The following ECT2 variants were observed in gnomAD, a reference collection of about 807,000 sequenced individuals.
The protein encoded by ECT2 is protein ECT2.
Under a neutral mutation model 116.9 loss-of-function variants are expected in ECT2, and 61 were observed. The observed-to-expected ratio is 0.52, with a 90% CI of 0.42 to 0.65. The LOEUF is 0.65. ECT2 is among the 30% of genes least tolerant of loss of function. ECT2 has a pLI of 0.00. For synonymous variants in ECT2, 358 were observed against 346.4 expected (o/e 1.03, Z -0.37); for missense variants, 937 against 1,078.7 (o/e 0.87, Z 1.84).
At chr3:172,808,426 A>C (rs1728156615) in intron 22 of ECT2, among the ~76,000 whole-genome samples, 1 of 152,166 alleles carries the variant, frequency 6.6e-6, no homozygotes, top group South Asian at 2.1e-4. Context: ...AAAGTTGCCA[A>C]TCTATTTTTC....
intron 11 of ECT2, 41 bp downstream of exon 11, chr3:172,763,013 ATTGT>A (rs753883655): frequency 6.9e-6 from 11 of 1,595,478 alleles, no homozygotes; most frequent in Non-Finnish European, 9.4e-6. Flanking sequence ...TGTGAGCTTG[ATTGT>A]TTGAAAATAA....
At chr3:172,807,220 AGTT>A (rs771071622) in intron 21 of ECT2, among the ~76,000 whole-genome samples, 2 of 152,186 alleles carry the variant, frequency 1.3e-5, no homozygotes, top group African/African-American at 2.4e-5. Context: ...CTGTGTAAAC[AGTT>A]GTTATACTAT....
At chr3:172,827,304 G>A in the ECT2 span, among the ~76,000 whole-genome samples, 5 of 152,142 alleles carry the variant, frequency 3.3e-5, no homozygotes, top group Non-Finnish European at 7.4e-5. Flanking sequence ...AAGGAAATTA[G>A]TATATCAAAG....
At chr3:172,794,043 T>G (rs1456216201) in intron 18 of ECT2, among the ~76,000 whole-genome samples, 3 of 152,166 alleles carry the variant, frequency 2.0e-5, no homozygotes, top group African/African-American at 7.2e-5. Context: ...TTCTCCTAGT[T>G]TCTGGCTTGT....
chr3:172,761,499 C>T (rs1718287593), intron 7 of ECT2, 111 bp from the exon 8 acceptor site: 1 of 657,774 alleles, frequency 1.5e-6, no homozygotes, highest in Admixed American at 2.9e-5. Flanking sequence ...TATTTTGTTA[C>T]AAAGCAGATA....
chr3:172,776,191 G>GTTTTTTTTTTTT (rs1294531373), intron 14 of ECT2, among the ~76,000 whole-genome samples: 1 of 106,980 alleles, frequency 9.3e-6, no homozygotes, highest in African/African-American at 4.0e-5. Flanking sequence ...TAGTTTTTCA[G>GTTTTTTTTTTTT]TTTTTTCTTT....
chr3:172,766,176 G>A (rs1001625539), intron 12 of ECT2, among the ~76,000 whole-genome samples: 1 of 152,124 alleles, frequency 6.6e-6, no homozygotes, highest in African/African-American at 2.4e-5. Context: ...TTCAAGGTTG[G>A]CCCAGAAATT....
intron 20 of ECT2, 41 bp from the exon 21 acceptor site, chr3:172,805,690 T>G: frequency 1.9e-6 from 3 of 1,591,624 alleles, no homozygotes; most frequent in Non-Finnish European, 2.6e-6. Context: ...GTCCTTTTTC[T>G]TCATTTTATT....
chr3:172,784,109 C>T (rs1325964447), intron 16 of ECT2, among the ~76,000 whole-genome samples, 200 bp downstream of exon 16: 1 of 151,548 alleles, frequency 6.6e-6, no homozygotes, highest in Non-Finnish European at 1.5e-5. Context: ...CAGGAGGCAG[C>T]TGAGTGAATA....
intron 7 of ECT2, among the ~76,000 whole-genome samples, chr3:172,761,093 TA>T (rs934252689): frequency 6.6e-6 from 1 of 152,150 alleles, no homozygotes; most frequent in Non-Finnish European, 1.5e-5. Context: ...GTGAATATTA[TA>T]ATAGGAGAAA....
intron 24 of ECT2, among the ~76,000 whole-genome samples, chr3:172,817,665 G>T (rs1478977568): frequency 6.6e-6 from 1 of 152,028 alleles, no homozygotes; most frequent in African/African-American, 2.4e-5. Flanking sequence ...AACAGTTTCA[G>T]AATTATTATT....
intron 20 of ECT2, among the ~76,000 whole-genome samples, chr3:172,804,208 T>C (rs562279705): frequency 6.6e-6 from 1 of 152,172 alleles, no homozygotes; most frequent in Non-Finnish European, 1.5e-5. Flanking sequence ...ATTTATAGTA[T>C]AGAATACAAG....
chr3:172,754,871 TC>T (rs1052289633), intron 2 of ECT2, among the ~76,000 whole-genome samples: 1 of 152,138 alleles, frequency 6.6e-6, no homozygotes, highest in Non-Finnish European at 1.5e-5. Flanking sequence ...AAGGGAGGCA[TC>T]TTAATTTGGA....
intron 22 of ECT2, among the ~76,000 whole-genome samples, chr3:172,813,536 CAA>C (rs1729147002): frequency 1.3e-5 from 2 of 152,046 alleles, no homozygotes; most frequent in Non-Finnish European, 2.9e-5. Context: ...TTTTCGTATA[CAA>C]AGACATATAC....
intron 23 of ECT2, 28 bp from the exon 24 acceptor site, chr3:172,816,663 G>C: frequency 6.4e-7 from 1 of 1,558,046 alleles, no homozygotes; most frequent in African/African-American, 1.4e-5. Context: ...ATTTGTCTAG[G>C]TTTAACTAAT....
intron 18 of ECT2, among the ~76,000 whole-genome samples, chr3:172,790,744 A>G (rs913875868): frequency 4.6e-5 from 7 of 152,238 alleles, no homozygotes; most frequent in African/African-American, 1.7e-4. Flanking sequence ...TGAAAGCAAA[A>G]TTAGTCTCCT....
chr3:172,809,527 C>A (rs901631069), intron 22 of ECT2, among the ~76,000 whole-genome samples: 1 of 150,986 alleles, frequency 6.6e-6, no homozygotes, highest in Non-Finnish European at 1.5e-5. Flanking sequence ...GTTTATAAAG[C>A]CCTGAGAATT....
chr3:172,765,919 C>T (rs1298380096), intron 12 of ECT2, among the ~76,000 whole-genome samples: 7 of 152,148 alleles, frequency 4.6e-5, no homozygotes, highest in East Asian at 1.9e-4. Context: ...AGGAAATCTG[C>T]GTGGATTGTC....
intron 23 of ECT2, 51 bp from the exon 24 acceptor site, chr3:172,816,640 T>C: frequency 1.3e-6 from 2 of 1,488,890 alleles, no homozygotes; most frequent in Non-Finnish European, 1.8e-6. Context: ...AATATTCTCA[T>C]CAGCTGTATT....
Sources: gnomAD v4.1 joint callset for allele counts (sites outside exome capture counted in the v4.1 genomes callset) on GRCh38, gnomAD v4.1.1 for gene constraint, MANE v1.5 for transcripts, NCBI Gene and HGNC (gene_info 2026-07-23, HGNC 2026-07-21) for gene names.